The following PDE4B variants were observed in gnomAD, a reference collection of about 807,000 sequenced individuals.
The protein encoded by PDE4B is phosphodiesterase 4B, also known as 3',5'-cyclic-AMP phosphodiesterase 4B.
Under a neutral mutation model 82.2 loss-of-function variants are expected in PDE4B, and 20 were observed. The observed-to-expected ratio is 0.24, with a 90% CI of 0.17 to 0.35. PDE4B has a LOEUF of 0.35. Ranked by LOEUF, PDE4B falls within the 10% of genes least tolerant of loss-of-function variation. The pLI, the probability that PDE4B is intolerant of heterozygous loss-of-function variation, is 1.00. For synonymous variants in PDE4B, 320 were observed against 318.9 expected (o/e 1.00, Z -0.04); for missense variants, 655 against 907.2 (o/e 0.72, Z 3.57).
intron 3 of PDE4B, among the ~76,000 whole-genome samples, chr1:66,194,889 C>T (rs574443080): frequency 4.6e-5 from 7 of 151,994 alleles, no homozygotes; most frequent in Admixed American, 2.0e-4. Context: ...AAAGGTTGCT[C>T]GTGAGAATTA....
At chr1:66,234,500 GCT>G (rs1410701802) in intron 3 of PDE4B, among the ~76,000 whole-genome samples, 1 of 152,154 alleles carries the variant, frequency 6.6e-6, no homozygotes, top group Non-Finnish European at 1.5e-5. Flanking sequence ...TGTTAGCCAG[GCT>G]GGTCTCAAAC....
chr1:65,980,595 G>A (rs1457701914), intron 3 of PDE4B, among the ~76,000 whole-genome samples: 1 of 152,106 alleles, frequency 6.6e-6, no homozygotes, highest in Non-Finnish European at 1.5e-5. Flanking sequence ...TTTACTTTGA[G>A]TTTGTTCGTA....
intron 3 of PDE4B, among the ~76,000 whole-genome samples, chr1:66,238,871 G>A (rs190067457): frequency 6.6e-6 from 1 of 152,214 alleles, no homozygotes; most frequent in Non-Finnish European, 1.5e-5. Flanking sequence ...GGTTACTATG[G>A]CCCCATCACT....
intron 3 of PDE4B, among the ~76,000 whole-genome samples, chr1:66,183,120 A>G (rs1272753328): frequency 2.6e-5 from 4 of 152,166 alleles, no homozygotes; most frequent in Middle Eastern, 3.2e-3. Context: ...ACCAGTTCCC[A>G]ACACCATTTC....
chr1:66,248,661 A>C (rs1407020004), intron 4 of PDE4B, among the ~76,000 whole-genome samples: 1 of 152,230 alleles, frequency 6.6e-6, no homozygotes, highest in African/African-American at 2.4e-5. Context: ...CATTGTGTCA[A>C]TCTCTGGTGA....
intron 3 of PDE4B, among the ~76,000 whole-genome samples, chr1:66,171,163 AT>A (rs1018468557): frequency 1.3e-4 from 20 of 151,580 alleles, no homozygotes; most frequent in African/African-American, 2.4e-4. Context: ...GCCTGCTCAC[AT>A]TTTTTTTTCT....
At chr1:65,886,661 C>A (rs1199765078) in intron 1 of PDE4B, among the ~76,000 whole-genome samples, 5 of 152,144 alleles carry the variant, frequency 3.3e-5, no homozygotes, top group South Asian at 2.1e-4. Flanking sequence ...TGGTATATTT[C>A]ACTTAACATA....
intron 3 of PDE4B, among the ~76,000 whole-genome samples, chr1:66,109,671 C>A (rs2101047924): frequency 6.6e-6 from 1 of 151,790 alleles, no homozygotes; most frequent in South Asian, 2.1e-4. Flanking sequence ...TTAATATATT[C>A]ATAATTTAAT....
At chr1:66,024,868 A>C (rs1354006444) in intron 3 of PDE4B, among the ~76,000 whole-genome samples, 1 of 152,078 alleles carries the variant, frequency 6.6e-6, no homozygotes, top group African/African-American at 2.4e-5. Flanking sequence ...ATAGCCTATC[A>C]GTGTAAAAAA....
chr1:65,997,495 A>G (rs960653926), intron 3 of PDE4B, among the ~76,000 whole-genome samples: 3 of 152,174 alleles, frequency 2.0e-5, no homozygotes, highest in Admixed American at 1.3e-4. Flanking sequence ...AACAGTGAAT[A>G]TGGCATATGA....
intron 7 of PDE4B, among the ~76,000 whole-genome samples, chr1:66,280,277 T>A (rs966578565): frequency 6.6e-6 from 1 of 152,242 alleles, no homozygotes; most frequent in Admixed American, 6.5e-5. Context: ...GCGCAAGTAG[T>A]GGCAGCACAC....
At chr1:65,883,231 A>G (rs1403825100) in intron 1 of PDE4B, among the ~76,000 whole-genome samples, 2 of 152,172 alleles carry the variant, frequency 1.3e-5, no homozygotes, top group South Asian at 2.1e-4. Context: ...CATTGAATCT[A>G]TAAATTACTT....
At chr1:65,922,654 A>G (rs1201062380) in intron 3 of PDE4B, among the ~76,000 whole-genome samples, 2 of 152,174 alleles carry the variant, frequency 1.3e-5, no homozygotes, top group African/African-American at 4.8e-5. Flanking sequence ...GAGGATCTGT[A>G]GAAATCCTAC....
At chr1:66,240,066 C>T (rs1316810158) in intron 3 of PDE4B, among the ~76,000 whole-genome samples, 1 of 152,210 alleles carries the variant, frequency 6.6e-6, no homozygotes, top group Non-Finnish European at 1.5e-5. Context: ...CTAGCCCCTC[C>T]CTGCAGGTGG....
intron 7 of PDE4B, among the ~76,000 whole-genome samples, chr1:66,276,897 G>A (rs1421339388): frequency 6.6e-6 from 1 of 152,146 alleles, no homozygotes; most frequent in African/African-American, 2.4e-5. Context: ...CATTAGGGTT[G>A]CGGCAATATC....
rs974197873 is a variant in PDE4B, at chr1:66,322,349, C to A, written c.635-10159C>A. Among the ~76,000 whole-genome samples the A allele has an allele frequency of 3.0e-4, 45 of 151,938 alleles. 1 individual carries two copies. Among genetic ancestry groups the A allele is most frequent in the Non-Finnish European group, 1.3e-4 (9 of 67,986 alleles). ...ATTAAACTAAAGAGCTTCTGCACAG[C>A]AAAAGAAACTATCATCAGAGTGAAC... is the stretch of plus-strand genomic sequence containing the variant. On this transcript the variant is annotated intron_variant, in intron 7 of 16. Transcript: ENST00000341517.
At chr1:65,955,648 G>A (rs990967875) in intron 3 of PDE4B, among the ~76,000 whole-genome samples, 2 of 152,086 alleles carry the variant, frequency 1.3e-5, no homozygotes, top group African/African-American at 2.4e-5. Context: ...AGAGCAGGGT[G>A]TTATCCTTTC....
At chr1:66,170,625 G>C (rs115786038) in intron 3 of PDE4B, among the ~76,000 whole-genome samples, 1,561 of 152,214 alleles carry the variant, frequency 0.01, 27 homozygotes, top group African/African-American at 0.035. Flanking sequence ...ATATATTTTT[G>C]TGTGGCTAAT....
intron 1 of PDE4B, among the ~76,000 whole-genome samples, chr1:65,911,490 T>C (rs1188786056): frequency 1.3e-5 from 2 of 152,180 alleles, no homozygotes; most frequent in Admixed American, 1.3e-4. Flanking sequence ...CATTTAAATC[T>C]TGCTTTTCTT....
Sources: allele counts gnomAD v4.1 joint callset (sites outside exome capture counted in the v4.1 genomes callset), GRCh38; gene constraint gnomAD v4.1.1; transcripts MANE v1.5; gene names NCBI Gene and HGNC (gene_info 2026-07-23, HGNC 2026-07-21).